PCDH11X: variants seen among roughly 807,000 people sequenced by gnomAD.
The protein encoded by PCDH11X is protocadherin 11 X-linked.
PCDH11X carries 18 observed loss-of-function variants against 53.3 expected under a neutral mutation model. The ratio of observed to expected loss-of-function variants is 0.34; its 90% CI spans 0.23 to 0.50. PCDH11X has a LOEUF of 0.50. Among genes scored for constraint, PCDH11X ranks in the 20% least tolerant of loss-of-function variants. The pLI is 0.98. For synonymous variants in PCDH11X, 279 were observed against 393.3 expected (o/e 0.71, Z 3.44); for missense variants, 570 against 1,032.4 (o/e 0.55, Z 6.14).
At chrX:92,246,252 T>C (rs922165218) in intron 7 of PCDH11X, among the ~76,000 whole-genome samples, 2 of 112,091 alleles carry the variant, frequency 1.8e-5, no homozygotes, top group African/African-American at 6.5e-5. Flanking sequence ...TTGGGGCATA[T>C]TGGACATGAA....
intron 5 of PCDH11X, among the ~76,000 whole-genome samples, chrX:91,860,491 A>C (rs1938599785): frequency 9.0e-6 from 1 of 110,619 alleles, no homozygotes; most frequent in African/African-American, 3.3e-5. Flanking sequence ...CAGAACTTCC[A>C]ATACTATGTT....
At chrX:92,570,989 TA>T (rs969145714) in intron 10 of PCDH11X, among the ~76,000 whole-genome samples, 10 of 112,334 alleles carry the variant, frequency 8.9e-5, no homozygotes, top group African/African-American at 3.2e-4. Flanking sequence ...TTGACATTTT[TA>T]AATTGAATTG....
intron 10 of PCDH11X, among the ~76,000 whole-genome samples, chrX:92,611,470 C>G (rs1353384195): frequency 9.1e-6 from 1 of 109,623 alleles, no homozygotes; most frequent in Non-Finnish European, 1.9e-5. Context: ...CTTTTGTGTT[C>G]CAGGAGCCTT....
intron 6 of PCDH11X, among the ~76,000 whole-genome samples, chrX:92,007,261 A>C (rs188829107): frequency 1.5e-3 from 164 of 111,333 alleles, no homozygotes; most frequent in African/African-American, 5.2e-3. Flanking sequence ...ACTAGCATCA[A>C]AAACCTTAGA....
chrX:92,512,587 GA>G (rs755396612), intron 10 of PCDH11X, among the ~76,000 whole-genome samples: 3 of 111,595 alleles, frequency 2.7e-5, no homozygotes, highest in African/African-American at 9.8e-5. Context: ...GCAAAAGAAA[GA>G]AAAATGTCTA....
intron 7 of PCDH11X, among the ~76,000 whole-genome samples, chrX:92,206,310 A>C (rs1360705206): frequency 4.5e-5 from 5 of 111,503 alleles, no homozygotes; most frequent in Admixed American, 9.6e-5. Context: ...GAAATATCTT[A>C]TTTTTAACAA....
chrX:91,898,237 A>G (rs1015334545), intron 6 of PCDH11X, among the ~76,000 whole-genome samples: 1 of 108,714 alleles, frequency 9.2e-6, no homozygotes, highest in African/African-American at 3.3e-5. Flanking sequence ...ACTCATTTTA[A>G]AGATTGAGCT....
chrX:92,014,920 G>A (rs975887184), intron 6 of PCDH11X, among the ~76,000 whole-genome samples: 4 of 110,618 alleles, frequency 3.6e-5, no homozygotes, highest in Admixed American at 2.9e-4. Flanking sequence ...AGCATTAGGA[G>A]ATATACCTAA....
At chrX:92,521,267 C>A (rs1213784199) in intron 10 of PCDH11X, among the ~76,000 whole-genome samples, 1 of 111,923 alleles carries the variant, frequency 8.9e-6, no homozygotes. Flanking sequence ...CAAAATTATT[C>A]TTTGATTCAT....
intron 6 of PCDH11X, among the ~76,000 whole-genome samples, chrX:92,184,106 T>C (rs1477463126): frequency 8.9e-6 from 1 of 111,871 alleles, no homozygotes; most frequent in African/African-American, 3.3e-5. Flanking sequence ...TAGTAGGCGC[T>C]CAGTAAATAT....
chrX:91,881,962 A>G (rs925112959), intron 6 of PCDH11X, among the ~76,000 whole-genome samples: 27 of 111,336 alleles, frequency 2.4e-4, no homozygotes, highest in African/African-American at 8.5e-4. Flanking sequence ...AAAGTGGAAA[A>G]TAAAATGTTC....
intron 10 of PCDH11X, among the ~76,000 whole-genome samples, chrX:92,543,970 A>G (rs190437654): frequency 0.019 from 2,040 of 106,558 alleles, 65 homozygotes; most frequent in African/African-American, 0.066. Context: ...GATGGATGAT[A>G]GACAATGGAA....
At chrX:91,886,741 G>A (rs760685161) in intron 6 of PCDH11X, among the ~76,000 whole-genome samples, 2 of 109,570 alleles carry the variant, frequency 1.8e-5, no homozygotes, top group Non-Finnish European at 1.9e-5. Flanking sequence ...GGAGGCCAAG[G>A]CGGGAGGATC....
At chrX:92,471,374 GC>G (rs1246123407) in intron 10 of PCDH11X, among the ~76,000 whole-genome samples, 1 of 104,189 alleles carries the variant, frequency 9.6e-6, no homozygotes, top group African/African-American at 3.5e-5. Context: ...TGGTTTTCTG[GC>G]CCTGTGTTAT....
chrX:91,972,327 C>A (rs2147910307), intron 6 of PCDH11X, among the ~76,000 whole-genome samples: 1 of 89,925 alleles, frequency 1.1e-5, no homozygotes, highest in African/African-American at 4.1e-5. Context: ...TGTTTGAGTT[C>A]ATTGTAGATT....
At chrX:92,013,847 T>A (rs2062739955) in intron 6 of PCDH11X, among the ~76,000 whole-genome samples, 1 of 111,782 alleles carries the variant, frequency 8.9e-6, no homozygotes, top group Non-Finnish European at 1.9e-5. Flanking sequence ...AAGCTGAAAC[T>A]GGATCCCTTC....
chrX:92,571,378 T>G (rs1486055648), intron 10 of PCDH11X, among the ~76,000 whole-genome samples: 7 of 111,384 alleles, frequency 6.3e-5, no homozygotes, highest in Non-Finnish European at 1.3e-4. Flanking sequence ...ATTTAATTTA[T>G]AAATTTAAGG....
intron 6 of PCDH11X, among the ~76,000 whole-genome samples, chrX:92,142,455 G>T (rs955298506): frequency 1.8e-5 from 2 of 109,270 alleles, no homozygotes; most frequent in Non-Finnish European, 3.8e-5. Flanking sequence ...CCTGACCTCA[G>T]GTGATCTGCC....
At chrX:92,429,677 C>A (rs771917621) in intron 9 of PCDH11X, among the ~76,000 whole-genome samples, 1 of 105,618 alleles carries the variant, frequency 9.5e-6, no homozygotes, top group South Asian at 4.5e-4. Context: ...AAATAATGGG[C>A]TCTTAAAAAT....
Sources: allele counts gnomAD v4.1 joint callset (sites outside exome capture counted in the v4.1 genomes callset), GRCh38; gene constraint gnomAD v4.1.1; transcripts MANE v1.5; gene names NCBI Gene and HGNC (gene_info 2026-07-23, HGNC 2026-07-21).